The following PKN2 variants were observed in gnomAD, a reference collection of about 807,000 sequenced individuals.
The protein encoded by PKN2 is protein kinase N2, also known as serine/threonine-protein kinase N2.
Under a neutral mutation model 119.1 loss-of-function variants are expected in PKN2, and 38 were observed. The observed-to-expected ratio is 0.32, with a 90% CI of 0.25 to 0.42. The LOEUF (loss-of-function observed/expected upper bound fraction) is 0.42. Among genes scored for constraint, PKN2 ranks in the 10% least tolerant of loss-of-function variants. PKN2 has a pLI of 1.00. For synonymous variants in PKN2, 390 were observed against 384.9 expected (o/e 1.01, Z -0.15); for missense variants, 850 against 1,165.1 (o/e 0.73, Z 3.94).
chr1:88,763,717 AG>A (rs1346547546), intron 3 of PKN2, among the ~76,000 whole-genome samples: 3 of 152,146 alleles, frequency 2.0e-5, no homozygotes, highest in African/African-American at 7.2e-5. Context: ...GCAGTAGTCC[AG>A]GTTAAATAGC....
chr1:88,713,172 T>C (rs6666651), intron 1 of PKN2, among the ~76,000 whole-genome samples: 17,114 of 152,222 alleles, frequency 0.11, 1,980 homozygotes, highest in African/African-American at 0.3. Context: ...TCCAGTCTAT[T>C]GTTGATGGAC....
chr1:88,727,651 C>T (rs1485328657), intron 1 of PKN2, among the ~76,000 whole-genome samples: 3 of 152,120 alleles, frequency 2.0e-5, no homozygotes, highest in Admixed American at 6.5e-5. Context: ...TTTTAGAATT[C>T]CATTTTGATT....
chr1:88,784,590 C>T, intron 6 of PKN2, 49 bp from the exon 7 acceptor site: 1 of 1,150,470 alleles, frequency 8.7e-7, no homozygotes, highest in Non-Finnish European at 1.2e-6. Flanking sequence ...TTAAGGATTC[C>T]ATAGATTAAG....
At chr1:88,730,352 C>T (rs1228813529) in intron 1 of PKN2, among the ~76,000 whole-genome samples, 1 of 152,142 alleles carries the variant, frequency 6.6e-6, no homozygotes, top group African/African-American at 2.4e-5. Flanking sequence ...CAGTCTAGGG[C>T]TTGTATAGCA....
chr1:88,724,895 T>TG (rs1667838208), intron 1 of PKN2, among the ~76,000 whole-genome samples: 2 of 145,694 alleles, frequency 1.4e-5, no homozygotes, highest in Non-Finnish European at 3.0e-5. Flanking sequence ...TTTTTTTTTT[T>TG]TTTTTTTCCT....
intron 2 of PKN2, among the ~76,000 whole-genome samples, chr1:88,759,493 T>C (rs1287971581): frequency 6.6e-6 from 1 of 152,240 alleles, no homozygotes; most frequent in Non-Finnish European, 1.5e-5. Context: ...TTTTCAAAAG[T>C]ATCTGTTCAT....
Position 88,827,600 on chromosome 1 carries a change from CTCCCTTCCCTCCCCT to C in PKN2, c.2420-870_2420-856del, listed in dbSNP as rs1361088786. On this transcript the variant is annotated intron_variant, in intron 18 of 21. Transcript: ENST00000370521. ...GGATTAGGGATGTTCAACCTGTACT[CTCCCTTCCCTCCCCT>C]TCCCTTCCCTTCCCTTCCCTTCCCT... Among the ~76,000 whole-genome samples the C allele has an allele frequency of 4.8e-5, 6 of 124,174 alleles. No individual in the cohort carries two copies. The East Asian group carries it at 1.3e-3, about 28-fold the overall frequency. 81.5% of individuals were successfully genotyped at this position (124,174 alleles called of 152,430 possible).
chr1:88,829,249 A>T (rs779639139), intron 19 of PKN2: 3 of 692,008 alleles, frequency 4.3e-6, no homozygotes, highest in Non-Finnish European at 8.3e-6. Flanking sequence ...TGAGTGGCCC[A>T]GGTCAATTTG....
At chr1:88,789,374 G>C (rs1446389425) in intron 8 of PKN2, among the ~76,000 whole-genome samples, 5 of 152,234 alleles carry the variant, frequency 3.3e-5, no homozygotes, top group Non-Finnish European at 2.9e-5. Context: ...AAGATTATAA[G>C]AAGTTAGCCG....
intron 3 of PKN2, among the ~76,000 whole-genome samples, chr1:88,767,032 A>G: frequency 6.6e-6 from 1 of 152,206 alleles, no homozygotes; most frequent in East Asian, 1.9e-4. Context: ...TTGCATGACA[A>G]TAAAATAATA....
chr1:88,729,263 A>G (rs1341749384), intron 1 of PKN2, among the ~76,000 whole-genome samples: 1 of 152,196 alleles, frequency 6.6e-6, no homozygotes, highest in Non-Finnish European at 1.5e-5. Flanking sequence ...AGTAATCGAT[A>G]ATAATTGTAT....
chr1:88,788,097 T>G (rs1480559489), intron 8 of PKN2, among the ~76,000 whole-genome samples: 1 of 152,228 alleles, frequency 6.6e-6, no homozygotes, highest in African/African-American at 2.4e-5. Context: ...TATGTCAACT[T>G]TGTCTTCTAT....
intron 1 of PKN2, among the ~76,000 whole-genome samples, chr1:88,714,660 A>G (rs1433242829): frequency 6.6e-6 from 1 of 152,184 alleles, no homozygotes; most frequent in Non-Finnish European, 1.5e-5. Flanking sequence ...TATCAGGTTA[A>G]GGAGATTTGG....
chr1:88,765,181 G>T, intron 3 of PKN2, among the ~76,000 whole-genome samples: 1 of 151,258 alleles, frequency 6.6e-6, no homozygotes, highest in South Asian at 2.1e-4. Flanking sequence ...CGCCCGCCTG[G>T]CCCTCCCAAA....
intron 1 of PKN2, among the ~76,000 whole-genome samples, chr1:88,699,530 A>C (rs187737596): frequency 3.6e-4 from 55 of 152,202 alleles, no homozygotes; most frequent in Admixed American, 3.1e-3. Context: ...CCTGGGTATT[A>C]AGCCCAGCAT....
chr1:88,805,552 G>A lies in PKN2; in HGVS notation c.1557G>A (p.Arg519=). Residue 519 remains arginine, a synonymous_variant, in exon 11 of 22, where the codon AGG becomes AGA. Transcript: ENST00000370521. ...QMNINIATWG[R]LVRRAIPTVN... Reference sequence around the variant, plus strand: ...ATATTAATATTGCCACTTGGGGAAGGCTAGTAAGAAGAGCTATTCCTACAG... The same window carrying A: ...ATATTAATATTGCCACTTGGGGAAGACTAGTAAGAAGAGCTATTCCTACAG... The A allele has an allele frequency of 6.2e-7, 1 of 1,613,810 alleles. No individual in the cohort carries two copies. Among genetic ancestry groups the A allele is most frequent in the Non-Finnish European group, 8.5e-7 (1 of 1,179,870 alleles).
intron 8 of PKN2, among the ~76,000 whole-genome samples, chr1:88,799,015 A>G (rs1461793849): frequency 6.6e-6 from 1 of 152,220 alleles, no homozygotes; most frequent in Non-Finnish European, 1.5e-5. Context: ...GTTGGAGAAT[A>G]AGATATAAGA....
chr1:88,771,847 A>G lies in PKN2; in HGVS notation c.953A>G (p.Tyr318Cys), dbSNP rs759522341. Residue 318 changes from tyrosine (Y) to cysteine (C), a missense_variant, in exon 6 of 22, where the codon TAT becomes TGT. Physicochemically the swap from Tyr to Cys is radical, Grantham distance 194. Around this residue, in one of 9 missense-constraint regions of PKN2, gnomAD observed 350 missense variants for 511.1 expected, o/e 0.68. Coordinates refer to ENST00000370521, the MANE Select transcript of PKN2 (RefSeq NM_006256.4). ...RQSMISTQNQ[Y>C]STLSKPAALT... ...AGTATGATATCTACGCAAAATCAAT[A>G]TAGTACACTATCCAAACCAGCAGCA... The G allele has an allele frequency of 5.0e-5, 81 of 1,613,652 alleles. No individual in the cohort carries two copies. Among genetic ancestry groups the G allele is most frequent in the Non-Finnish European group, 6.4e-5 (76 of 1,179,708 alleles).
At chr1:88,782,380 C>T (rs539929665) in intron 6 of PKN2, among the ~76,000 whole-genome samples, 157 of 151,768 alleles carry the variant, frequency 1.0e-3, no homozygotes, top group African/African-American at 3.7e-3. Context: ...GAATTCATGG[C>T]CTTTTTTTTT....
Sources: gnomAD v4.1 joint callset for allele counts (sites outside exome capture counted in the v4.1 genomes callset) on GRCh38, gnomAD v4.1.1 for gene constraint, gnomAD v4.1.1 regional missense constraint, MANE v1.5 for transcripts, NCBI Gene and HGNC (gene_info 2026-07-23, HGNC 2026-07-21) for gene names.